The following C1QTNF7 variants were observed in gnomAD, a reference collection of about 807,000 sequenced individuals.
C1QTNF7 encodes the protein complement C1q tumor necrosis factor-related protein 7.
A neutral mutation model predicts 19.6 loss-of-function variants in C1QTNF7; 15 were observed. The observed-to-expected ratio is 0.76, with a 90% CI of 0.51 to 1.18. The LOEUF is 1.18. C1QTNF7 is among the 50% of genes most tolerant of loss of function. The pLI is 0.00. For missense variants in C1QTNF7, 324 were observed against 359.7 expected, an observed-to-expected ratio of 0.90 and a Z score of 0.80; for synonymous variants, 142 against 137.5, an observed-to-expected ratio of 1.03 and a Z score of -0.23.
At chr4:15,349,185 G>A (rs1243026055) in intron 1 of C1QTNF7, among the ~76,000 whole-genome samples, 1 of 152,110 alleles carries the variant, frequency 6.6e-6, no homozygotes, top group African/African-American at 2.4e-5. Flanking sequence ...CCCCAGAGTG[G>A]GGCAAACTGG....
At chr4:15,428,211 A>T in intron 1 of C1QTNF7, 105 bp downstream of exon 1, 1 of 357,800 alleles carries the variant, frequency 2.8e-6, no homozygotes, top group Non-Finnish European at 3.9e-6. Context: ...CTCTGTAGGA[A>T]GAATCCATAA....
intron 1 of C1QTNF7, among the ~76,000 whole-genome samples, chr4:15,386,027 C>T (rs1399584950): frequency 1.3e-5 from 2 of 152,204 alleles, no homozygotes; most frequent in Non-Finnish European, 2.9e-5. Context: ...CTGTTATGCT[C>T]AAAAACCAGA....
upstream of C1QTNF7, chr4:15,428,007 C>T: frequency 1.0e-6 from 1 of 984,100 alleles, no homozygotes; most frequent in African/African-American, 1.7e-5. Flanking sequence ...ATCTGTTATT[C>T]TGTCTGGTAC....
rs1304943400 is a variant in C1QTNF7 at position 15,389,091 on chromosome 4, A to G, written c.14-46645A>G. Among the ~76,000 whole-genome samples the G allele has an allele frequency of 3.3e-5, 5 of 152,286 alleles. No individual in the cohort carries two copies. In the South Asian group the frequency reaches 1.0e-3, roughly 32 times the overall value. On this transcript the variant is annotated intron_variant, in intron 1 of 2. Transcript: ENST00000295297. ...AAGAAGGTAAAGGACATTCAGAGGGATGGTGAGGATACAGGGGACTTTGCT... is the reference window on the plus strand; with the variant it reads ...AAGAAGGTAAAGGACATTCAGAGGGGTGGTGAGGATACAGGGGACTTTGCT...
chr4:15,347,818 G>T (rs1229678847), intron 1 of C1QTNF7, among the ~76,000 whole-genome samples: 1 of 152,058 alleles, frequency 6.6e-6, no homozygotes, highest in Non-Finnish European at 1.5e-5. Flanking sequence ...CATCAGCTTT[G>T]CTAGTAAGCC....
At chr4:15,424,955 A>G (rs1711970038), upstream of C1QTNF7, among the ~76,000 whole-genome samples, 1 of 152,070 alleles carries the variant, frequency 6.6e-6, no homozygotes, top group African/African-American at 2.4e-5. Context: ...TCCTCACTAG[A>G]TTTTGTCTCT....
intron 1 of C1QTNF7, among the ~76,000 whole-genome samples, chr4:15,430,981 G>A (rs929093432): frequency 5.3e-5 from 8 of 152,008 alleles, no homozygotes; most frequent in Non-Finnish European, 8.8e-5. Flanking sequence ...CATGAGGAAA[G>A]ACAAAGGACA....
chr4:15,438,599 G>A (rs1478123127), intron 2 of C1QTNF7, among the ~76,000 whole-genome samples: 1 of 152,120 alleles, frequency 6.6e-6, no homozygotes, highest in African/African-American at 2.4e-5. Context: ...TCCCTCACTG[G>A]TCTGTTGCAA....
At chr4:15,391,960 G>A (rs935590740) in intron 1 of C1QTNF7, among the ~76,000 whole-genome samples, 13 of 152,186 alleles carry the variant, frequency 8.5e-5, no homozygotes. Flanking sequence ...GGCAGTGAGA[G>A]AGAGAGAGGA....
intron 1 of C1QTNF7, among the ~76,000 whole-genome samples, chr4:15,361,974 C>A (rs1041440256): frequency 6.6e-6 from 1 of 152,094 alleles, no homozygotes; most frequent in Non-Finnish European, 1.5e-5. Context: ...GCATTCCTCC[C>A]CTCGAGGGGC....
In C1QTNF7 at chr4:15,354,707, C is replaced by T. The variant is rs559850175; in HGVS notation, c.13+14500C>T. The stretch of plus-strand genomic sequence containing the variant: ...AGAAAATCTTCCAGGGAAGAACACA[C>T]GATAAAAGAGGCCCCACACTACACA... On this transcript the variant is annotated intron_variant, in intron 1 of 2. Transcript: ENST00000295297. 3.9e-5 allele frequency among the ~76,000 whole-genome samples: 6 copies of T among 151,900 alleles called. No homozygotes were observed. In the East Asian group the frequency reaches 5.8e-4, roughly 15 times the overall value.
chr4:15,393,368 C>CA (rs1277110733), intron 1 of C1QTNF7, among the ~76,000 whole-genome samples: 2 of 152,190 alleles, frequency 1.3e-5, no homozygotes, highest in Non-Finnish European at 2.9e-5. Context: ...GGCCATTCTG[C>CA]AGGACTCTTC....
intron 1 of C1QTNF7, among the ~76,000 whole-genome samples, chr4:15,370,387 C>A (rs928518169): frequency 2.6e-5 from 4 of 152,214 alleles, no homozygotes; most frequent in African/African-American, 9.6e-5. Flanking sequence ...CACTCTGTAA[C>A]TGACACCAAA....
In C1QTNF7 at chr4:15,372,647, G is replaced by A. The variant is rs111642624; in HGVS notation, c.13+32440G>A. ...GAACCATAAAATATGAGTTGGACTTGTGACTTGATCATTTTCAAGGGGGCG... is the reference window on the plus strand; with the variant it reads ...GAACCATAAAATATGAGTTGGACTTATGACTTGATCATTTTCAAGGGGGCG... On this transcript the variant is annotated intron_variant, in intron 1 of 2. Transcript: ENST00000295297. Among the ~76,000 whole-genome samples the A allele has an allele frequency of 4.9e-3, 740 of 152,302 alleles. 5 individuals carry two copies. The highest frequency in any genetic ancestry group is 0.017 in the African/African-American group (708 of 41,558).
Position 15,390,830 on chromosome 4 carries a change from A to G in C1QTNF7, c.14-44906A>G, listed in dbSNP as rs144384571. On this transcript the variant is annotated intron_variant, in intron 1 of 2. Transcript: ENST00000295297. ...ACTCCCAATAACGTTCTAATCTTCC[A>G]CTGAATTCATGGTTAATGAATTGAC... 2.0e-4 allele frequency among the ~76,000 whole-genome samples: 30 copies of G among 152,190 alleles called. No homozygotes were observed. The Middle Eastern group carries it at 0.01, about 52-fold the overall frequency.
intron 1 of C1QTNF7, among the ~76,000 whole-genome samples, chr4:15,391,935 T>C (rs1366522099): frequency 6.6e-6 from 1 of 152,100 alleles, no homozygotes; most frequent in Non-Finnish European, 1.5e-5. Flanking sequence ...AACGTGGGTC[T>C]TATGAATACA....
In C1QTNF7 at chr4:15,435,750, G is replaced by A. The variant is rs1712503598; in HGVS notation, c.7G>A (p.Val3Ile). Residue 3 changes from valine (V) to isoleucine (I), a missense_variant, in exon 2 of 3, where the codon GTC (valine) becomes ATC (isoleucine). Coordinates refer to ENST00000444304, the MANE Select transcript of C1QTNF7 (RefSeq NM_031911.5). The stretch of plus-strand genomic sequence containing the variant: ...TTCTCTTCCAGAGCCAAAGATGTTT[G>A]TCTTGCTCTATGTTACAAGTTTTGC... MF[V>I]LLYVTSFAIC... The A allele has an allele frequency of 6.2e-7, 1 of 1,614,014 alleles. No individual in the cohort carries two copies. The highest frequency in any genetic ancestry group is 1.3e-5 in the African/African-American group (1 of 74,934).
intron 1 of C1QTNF7, among the ~76,000 whole-genome samples, chr4:15,364,180 A>C (rs775302577): frequency 3.5e-4 from 53 of 152,134 alleles, no homozygotes; most frequent in Non-Finnish European, 4.9e-4. Flanking sequence ...TTTTTGGTTG[A>C]CTCTCTAGAG....
intron 1 of C1QTNF7, among the ~76,000 whole-genome samples, chr4:15,410,346 T>C (rs1719362087): frequency 6.6e-6 from 1 of 152,222 alleles, no homozygotes; most frequent in South Asian, 2.1e-4. Context: ...AGCATTTTGG[T>C]ATATTTTCTG....
Sources: gnomAD v4.1 joint callset for allele counts (sites outside exome capture counted in the v4.1 genomes callset) on GRCh38, gnomAD v4.1.1 for gene constraint, MANE v1.5 for transcripts, NCBI Gene and HGNC (gene_info 2026-07-23, HGNC 2026-07-21) for gene names.